The following GNAL variants were observed in gnomAD, a reference collection of about 807,000 sequenced individuals.
GNAL encodes guanine nucleotide-binding protein G(olf) subunit alpha.
Under a neutral mutation model 55.1 loss-of-function variants are expected in GNAL, and 18 were observed. The observed-to-expected ratio is 0.33, with a 90% CI of 0.23 to 0.48. The LOEUF is 0.48. Ranked by LOEUF, GNAL falls within the 20% of genes least tolerant of loss-of-function variation. The pLI, the probability that GNAL is intolerant of heterozygous loss-of-function variation, is 0.99. For missense variants in GNAL, 412 were observed against 614.1 expected (o/e 0.67, Z 3.48); for synonymous variants, 253 against 237.0 (o/e 1.07, Z -0.62).
intron 1 of GNAL, among the ~76,000 whole-genome samples, chr18:11,726,973 A>G (rs1294922634): frequency 6.6e-6 from 1 of 151,906 alleles, no homozygotes; most frequent in Non-Finnish European, 1.5e-5. Flanking sequence ...ATTTGAGATC[A>G]GCCAGCAAAG....
At position 11,801,485 on chromosome 18, in the gene GNAL, G is replaced by A. The variant is rs1390168235; in HGVS notation, c.625-23433G>A. ...GGAGAATCGCTTGAACCCGGGAGGCGGACCTTACAGGTCATTGTAGGAACT... is the reference window on the plus strand; with the variant it reads ...GGAGAATCGCTTGAACCCGGGAGGCAGACCTTACAGGTCATTGTAGGAACT... On this transcript the variant is annotated intron_variant, in intron 4 of 11. Transcript: ENST00000334049. Among the ~76,000 whole-genome samples the A allele has an allele frequency of 5.9e-5, 9 of 152,056 alleles. No individual in the cohort carries two copies. The East Asian group carries it at 7.7e-4, about 13-fold the overall frequency.
chr18:11,881,007 G>A lies in GNAL; in HGVS notation c.1249G>A (p.Gly417Ser), dbSNP rs142792291. The A allele has an allele frequency of 7.7e-5, 125 of 1,613,908 alleles. No homozygotes were observed. Among genetic ancestry groups the A allele is most frequent in the Non-Finnish European group, 1.0e-4 (119 of 1,179,948 alleles). ...DLFLRISTAT[G>S]DGKHYCYPHF... ...CTTGCAGAGGATCAGCACGGCCACC[G>A]GTGACGGCAAACATTACTGCTACCC... The change falls in exon 12 of 12, where the codon GGT becomes AGT. Residue 417 changes from glycine to serine, a missense_variant. Physicochemically the swap from Gly to Ser is moderately conservative, Grantham distance 56. This residue lies in a region of GNAL where 79 missense variants were observed against 127.1 expected (regional missense o/e 0.62). Transcript: ENST00000334049. This position sits in a 1 kb window ranked among gnomAD's most constrained non-coding sequence, Gnocchi z 4.8.
At chr18:11,772,572 C>T (rs2033665580) in intron 4 of GNAL, among the ~76,000 whole-genome samples, 1 of 152,164 alleles carries the variant, frequency 6.6e-6, no homozygotes, top group African/African-American at 2.4e-5. Context: ...GCTGGAAGCG[C>T]ACTTAGGTGT....
At chr18:11,760,723 A>C (rs2033212245) in intron 4 of GNAL, among the ~76,000 whole-genome samples, 1 of 152,080 alleles carries the variant, frequency 6.6e-6, no homozygotes, top group African/African-American at 2.4e-5. Flanking sequence ...AAGGGTGGAC[A>C]GGGTGCAGAC....
intron 5 of GNAL, among the ~76,000 whole-genome samples, chr18:11,839,338 G>T (rs2035562382): frequency 6.6e-6 from 1 of 151,732 alleles, no homozygotes; most frequent in African/African-American, 2.4e-5. Context: ...GAGCCTAGGA[G>T]TTTGAGAGCA....
At chr18:11,845,064 C>G (rs1435413828) in intron 5 of GNAL, among the ~76,000 whole-genome samples, 3 of 152,080 alleles carry the variant, frequency 2.0e-5, no homozygotes, top group African/African-American at 7.2e-5. Flanking sequence ...CAGGGTTTCA[C>G]CATGTTAGCC....
chr18:11,885,618 A>G lies in GNAL; in HGVS notation c.*4483A>G, dbSNP rs1233186936. 1.1e-5 allele frequency: 17 copies of G among 1,564,424 alleles called. No homozygotes were observed. Among genetic ancestry groups the G allele is most frequent in the Non-Finnish European group, 1.2e-5 (14 of 1,145,084 alleles). ...GATTGCAGCAATTAAATAGTTGATT[A>G]CTGTGTTGATTTAAATACTTATGAA... On this transcript the variant is annotated 3_prime_UTR_variant, in exon 12 of 12. Transcript: ENST00000334049.
chr18:11,793,740 A>T (rs1041844909), intron 4 of GNAL, among the ~76,000 whole-genome samples: 1 of 152,012 alleles, frequency 6.6e-6, no homozygotes, highest in Non-Finnish European at 1.5e-5. Flanking sequence ...CCTGGCCAAC[A>T]TGGCGAAACT....
intron 4 of GNAL, among the ~76,000 whole-genome samples, chr18:11,812,484 T>C (rs2034841326): frequency 6.6e-6 from 1 of 152,148 alleles, no homozygotes; most frequent in Non-Finnish European, 1.5e-5. Flanking sequence ...CAGAGATCAA[T>C]TGTATTTCTG....
rs1454801744 is a variant in GNAL at position 11,885,286 on chromosome 18, A to G, written c.*4151A>G. The G allele has an allele frequency of 1.9e-4, 54 of 280,412 alleles. No homozygotes were observed. The highest frequency in any genetic ancestry group is 1.2e-3 in the African/African-American group (53 of 44,210). The allele number at this position is 280,412 out of a possible 1,614,324, so 17.4% of individuals were successfully genotyped here. The stretch of plus-strand genomic sequence containing the variant: ...TGAAACATCTTTTATCAACCTGCAA[A>G]AGCTGCAGCGTTCTCTGCCAGGTCA... On this transcript the variant is annotated 3_prime_UTR_variant, in exon 12 of 12. Transcript: ENST00000334049.
chr18:11,833,044 AT>A (rs113418617), intron 5 of GNAL, among the ~76,000 whole-genome samples: 3,341 of 144,638 alleles, frequency 0.023, 101 homozygotes, highest in African/African-American at 0.074. Flanking sequence ...TTATTTTCAG[AT>A]TTTTTTTTTT....
chr18:11,840,957 T>C (rs553630116), intron 5 of GNAL, among the ~76,000 whole-genome samples: 2 of 151,046 alleles, frequency 1.3e-5, no homozygotes, highest in South Asian at 4.2e-4. Flanking sequence ...CACTGCGGCC[T>C]GGACCTCCCA....
rs191977014 is a variant in GNAL, at chr18:11,868,017, C to T, written c.911-526C>T. ...GCGCACACCTTTAATCCCAGCTACT[C>T]GGGAGGCTGAGGCAGGAGAATCACC... On this transcript the variant is annotated intron_variant, in intron 8 of 11. Transcript: ENST00000334049. The surrounding 1 kb of genome is among the most constrained non-coding windows in gnomAD (Gnocchi z 4.0). Among the ~76,000 whole-genome samples the T allele has an allele frequency of 5.9e-5, 9 of 151,986 alleles. No individual in the cohort carries two copies. In the East Asian group the frequency reaches 9.7e-4, roughly 16 times the overall value.
chr18:11,703,263 C>T (rs376862075), intron 1 of GNAL, among the ~76,000 whole-genome samples: 5 of 152,208 alleles, frequency 3.3e-5, no homozygotes, highest in East Asian at 3.8e-4. Flanking sequence ...CAGAACGCTC[C>T]GCACGTTGTG....
chr18:11,822,179 G>A (rs1598407077), intron 4 of GNAL, among the ~76,000 whole-genome samples: 3 of 152,340 alleles, frequency 2.0e-5, no homozygotes, highest in South Asian at 2.1e-4. Context: ...ACTCAAGATG[G>A]GGTTTCTCGG....
intron 1 of GNAL, among the ~76,000 whole-genome samples, chr18:11,730,031 C>CTTTTTTTT (rs1431492708): frequency 9.2e-5 from 14 of 151,424 alleles, no homozygotes; most frequent in African/African-American, 3.4e-4. Flanking sequence ...TTTTTCTTTT[C>CTTTTTTTT]TTTTCTTTTC....
chr18:11,837,649 C>A (rs868799567), intron 5 of GNAL, among the ~76,000 whole-genome samples: 1 of 152,134 alleles, frequency 6.6e-6, no homozygotes, highest in African/African-American at 2.4e-5. Flanking sequence ...AATTGGGATC[C>A]TCATATACTG....
At chr18:11,740,574 A>G (rs1598422247) in intron 1 of GNAL, among the ~76,000 whole-genome samples, 1 of 152,318 alleles carries the variant, frequency 6.6e-6, no homozygotes, top group Non-Finnish European at 1.5e-5. Flanking sequence ...TCATGAGCTC[A>G]TACCAATTCT....
intron 4 of GNAL, among the ~76,000 whole-genome samples, chr18:11,770,989 T>A (rs1460443522): frequency 6.6e-6 from 1 of 151,824 alleles, no homozygotes; most frequent in Non-Finnish European, 1.5e-5. Flanking sequence ...CCAAGGCAGG[T>A]GAATCACCTG....
Sources: gnomAD v4.1 joint callset for allele counts (sites outside exome capture counted in the v4.1 genomes callset) on GRCh38, gnomAD v4.1.1 for gene constraint, gnomAD v4.1.1 regional missense constraint, Gnocchi (gnomAD v3.1) non-coding constraint, MANE v1.5 for transcripts, NCBI Gene and HGNC (gene_info 2026-07-23, HGNC 2026-07-21) for gene names.